Variants in HFM1 observed in about 807,000 individuals in gnomAD.
HFM1 encodes the protein probable ATP-dependent DNA helicase HFM1.
Under a neutral mutation model 192.1 loss-of-function variants are expected in HFM1, and 169 were observed. That is an observed-to-expected ratio of 0.88 (90% CI 0.78 to 1.00). HFM1 has a LOEUF of 1.00. Ranked by LOEUF, HFM1 falls within the 50% of genes least tolerant of loss-of-function variation. HFM1 has a pLI of 0.00. For missense variants in HFM1, 1,661 were observed against 1,668.0 expected, an observed-to-expected ratio of 1.00 and a Z score of 0.07; for synonymous variants, 525 against 537.8, an observed-to-expected ratio of 0.98 and a Z score of 0.33.
chr1:91,276,611 A>G lies in HFM1; in HGVS notation c.3588+17T>C. The G allele has an allele frequency of 1.6e-6, 2 of 1,231,084 alleles. No homozygotes were observed. Among genetic ancestry groups the G allele is most frequent in the South Asian group, 1.4e-5 (1 of 73,306 alleles). 76.3% of individuals were successfully genotyped at this position (1,231,084 alleles called of 1,614,324 possible). ...GTTTAACTACAGAACAATGGGAAAA[A>G]TGTTATTAAAACTAACCTTCAGACG... On this transcript the variant is annotated intron_variant, in intron 32 of 38. Transcript: ENST00000370425.
At chr1:91,359,191 AT>A (rs1188945694) in intron 13 of HFM1, among the ~76,000 whole-genome samples, 1 of 152,238 alleles carries the variant, frequency 6.6e-6, no homozygotes, top group Non-Finnish European at 1.5e-5. Flanking sequence ...TGAAAAAGCC[AT>A]AGTGTCTCTT....
chr1:91,382,882 A>AC lies in HFM1; in HGVS notation c.803-1901_803-1900insG, dbSNP rs529944120. ...AACTCTCAGCAGTGTCACTGAAATA[A>AC]TGGGGAAATGTCTGCAGAACTGAAA... On this transcript the variant is annotated intron_variant, in intron 6 of 38. Transcript: ENST00000370425. Among the ~76,000 whole-genome samples, 353 of 152,320 alleles carry AC rather than the reference A, an allele frequency of 2.3e-3. 1 individual carries two copies. The highest frequency in any genetic ancestry group is 8.0e-3 in the African/African-American group (332 of 41,578).
chr1:91,310,114 A>G (rs1650220576), intron 30 of HFM1, among the ~76,000 whole-genome samples: 1 of 152,184 alleles, frequency 6.6e-6, no homozygotes, highest in Admixed American at 6.5e-5. Context: ...AGATGATAAT[A>G]CATCTACAAT....
At chr1:91,404,655 C>G (rs1664692570) in intron 1 of HFM1, 143 bp downstream of exon 1, 1 of 281,942 alleles carries the variant, frequency 3.5e-6, no homozygotes. Context: ...ACCAACAACT[C>G]GCCGCGCCCG....
intron 13 of HFM1, among the ~76,000 whole-genome samples, chr1:91,373,092 G>A (rs1344386341): frequency 2.0e-5 from 3 of 151,770 alleles, no homozygotes; most frequent in Non-Finnish European, 4.4e-5. Flanking sequence ...GTGAATAAGT[G>A]GCTATGTTTG....
chr1:91,407,851 T>A (rs949055031), upstream of HFM1, among the ~76,000 whole-genome samples: 5 of 152,210 alleles, frequency 3.3e-5, no homozygotes, highest in Admixed American at 6.5e-5. Context: ...GTATCCAACA[T>A]AACCAAAATT....
intron 30 of HFM1, among the ~76,000 whole-genome samples, chr1:91,296,385 A>G (rs1434182218): frequency 6.6e-6 from 1 of 152,144 alleles, no homozygotes; most frequent in African/African-American, 2.4e-5. Context: ...TAATGTGTCT[A>G]TCCTTATGCC....
intron 13 of HFM1, among the ~76,000 whole-genome samples, chr1:91,371,691 T>TC (rs1323200013): frequency 1.4e-5 from 2 of 145,494 alleles, no homozygotes; most frequent in Admixed American, 7.0e-5. Flanking sequence ...GGCAAGGACT[T>TC]CATGTCTAAA....
At chr1:91,277,814 A>AAT (rs1491325859) in intron 30 of HFM1, among the ~76,000 whole-genome samples, 2 of 125,568 alleles carry the variant, frequency 1.6e-5, no homozygotes, top group Non-Finnish European at 3.2e-5. Context: ...ACTAATATAT[A>AAT]ATATATATAC....
intron 13 of HFM1, among the ~76,000 whole-genome samples, chr1:91,373,513 T>C (rs892831525): frequency 1.9e-4 from 29 of 152,176 alleles, no homozygotes; most frequent in African/African-American, 6.7e-4. Context: ...TCATGCTAAA[T>C]TGTAATCTCC....
intron 28 of HFM1, 54 bp downstream of exon 28, chr1:91,315,761 C>T: frequency 7.5e-7 from 1 of 1,330,010 alleles, no homozygotes; most frequent in Middle Eastern, 2.6e-4. Context: ...TAGAATTTTT[C>T]TTTTACAGTA....
chr1:91,378,587 A>G, intron 9 of HFM1, 107 bp from the exon 10 acceptor site: 1 of 624,686 alleles, frequency 1.6e-6, no homozygotes, highest in Admixed American at 2.8e-5. Flanking sequence ...ATAATAGGCA[A>G]TTTTGGTTGA....
intron 3 of HFM1, among the ~76,000 whole-genome samples, chr1:91,395,512 T>C (rs796394261): frequency 4.3e-4 from 65 of 152,262 alleles, no homozygotes; most frequent in African/African-American, 1.5e-3. Flanking sequence ...TATTTATTTA[T>C]TTATTTAGAG....
chr1:91,264,134 G>A (rs1383857851), intron 36 of HFM1, among the ~76,000 whole-genome samples: 1 of 152,004 alleles, frequency 6.6e-6, no homozygotes, highest in Non-Finnish European at 1.5e-5. Flanking sequence ...CATGGAACAA[G>A]GGTGAATGAG....
At chr1:91,351,460 C>A in intron 17 of HFM1, 89 bp downstream of exon 17, 1 of 715,472 alleles carries the variant, frequency 1.4e-6, no homozygotes, top group Non-Finnish European at 2.3e-6. Flanking sequence ...AAAAAAATCT[C>A]CAAACCAAAT....
chr1:91,374,535 G>A (rs182427411), intron 13 of HFM1, among the ~76,000 whole-genome samples: 1 of 152,248 alleles, frequency 6.6e-6, no homozygotes, highest in East Asian at 1.9e-4. Flanking sequence ...TTAGAAGTAA[G>A]AATAAACAGG....
intron 30 of HFM1, among the ~76,000 whole-genome samples, chr1:91,307,266 T>A (rs897317358): frequency 8.5e-5 from 13 of 152,274 alleles, no homozygotes; most frequent in South Asian, 8.3e-4. Flanking sequence ...AAGCTTGTAT[T>A]TTTTTGCTTT....
At chr1:91,334,015 G>A (rs1654214690) in intron 20 of HFM1, among the ~76,000 whole-genome samples, 1 of 152,180 alleles carries the variant, frequency 6.6e-6, no homozygotes, top group African/African-American at 2.4e-5. Flanking sequence ...AATGGATCTT[G>A]AGAAGGGTTT....
intron 30 of HFM1, among the ~76,000 whole-genome samples, chr1:91,298,860 C>G (rs1326824477): frequency 2.6e-5 from 4 of 152,120 alleles, no homozygotes; most frequent in Non-Finnish European, 4.4e-5. Context: ...ACCATCGAGG[C>G]TAGGAAGAAA....
Sources: gnomAD v4.1 joint callset for allele counts (sites outside exome capture counted in the v4.1 genomes callset) on GRCh38, gnomAD v4.1.1 for gene constraint, MANE v1.5 for transcripts, NCBI Gene and HGNC (gene_info 2026-07-23, HGNC 2026-07-21) for gene names.